Variants in CASR observed in about 807,000 individuals in gnomAD.
CASR encodes the protein extracellular calcium-sensing receptor.
CASR carries 23 observed loss-of-function variants against 69.1 expected under a neutral mutation model. The ratio of observed to expected loss-of-function variants is 0.33; its 90% CI spans 0.24 to 0.47. The LOEUF (loss-of-function observed/expected upper bound fraction) is 0.47, where lower values mean the gene tolerates loss of function less well. Among genes scored for constraint, CASR ranks in the 20% least tolerant of loss-of-function variants. CASR has a pLI of 1.00. For missense variants in CASR, 924 were observed against 1,356.1 expected (o/e 0.68, Z 5.00); for synonymous variants, 541 against 544.7 (o/e 0.99, Z 0.10).
At position 122,288,475 on chromosome 3, in the gene CASR, A is replaced by G. The variant is rs558827663; in HGVS notation, c.*3284A>G. The G allele has an allele frequency of 6.6e-6, 1 of 152,312 alleles. No individual in the cohort carries two copies. Among genetic ancestry groups the G allele is most frequent in the East Asian group, 1.9e-4 (1 of 5,182 alleles). The allele number at this position is 152,312 out of a possible 1,614,324, so 9.4% of individuals were successfully genotyped here. A position where few individuals can be genotyped will look rare whatever the true frequency, so the allele number is the denominator to read the frequency against. ...AGAAAACAAATACATTTGTATTGTT[A>G]TCTCCTTCCCTGAGTTTTGGCAGCC... On this transcript the variant is annotated 3_prime_UTR_variant, in exon 7 of 7. Coordinates refer to ENST00000639785, the MANE Select transcript of CASR (RefSeq NM_000388.4).
At chr3:122,195,486 T>G (rs1015906895) in intron 1 of CASR, among the ~76,000 whole-genome samples, 2 of 152,236 alleles carry the variant, frequency 1.3e-5, no homozygotes, top group Non-Finnish European at 2.9e-5. Flanking sequence ...GAATTTCTTC[T>G]CTTTGGTGCC....
At chr3:122,222,039 A>G (rs1158318541) in intron 1 of CASR, among the ~76,000 whole-genome samples, 1 of 152,202 alleles carries the variant, frequency 6.6e-6, no homozygotes, top group East Asian at 1.9e-4. Flanking sequence ...TTCTACCCAA[A>G]AGAGAGAACT....
intron 1 of CASR, among the ~76,000 whole-genome samples, chr3:122,188,974 G>A (rs191169147): frequency 1.7e-4 from 26 of 152,332 alleles, no homozygotes; most frequent in African/African-American, 6.0e-4. Flanking sequence ...GCTGCCGAGA[G>A]CTTTATTACT....
rs1287815597 is a variant in CASR, at chr3:122,290,765, C to T, written c.*5574C>T. The T allele has an allele frequency of 6.6e-6, 1 of 151,610 alleles. No individual in the cohort carries two copies. Among genetic ancestry groups the T allele is most frequent in the Non-Finnish European group, 1.5e-5 (1 of 67,934 alleles). 9.4% of individuals were successfully genotyped at this position (151,610 alleles called of 1,614,324 possible). A position where few individuals can be genotyped will look rare whatever the true frequency, so the allele number is the denominator to read the frequency against. Reference sequence around the variant, plus strand: ...TTATTATACTTTAAGTTTTAGGGTACATGTGCACAACGTGCAGGTTTGTTA... The same window carrying T: ...TTATTATACTTTAAGTTTTAGGGTATATGTGCACAACGTGCAGGTTTGTTA... On this transcript the variant is annotated 3_prime_UTR_variant, in exon 7 of 7. Coordinates refer to ENST00000639785, the MANE Select transcript of CASR (RefSeq NM_000388.4).
chr3:122,247,197 A>G (rs1273257028), intron 1 of CASR: 1 of 152,198 alleles, frequency 6.6e-6, no homozygotes, highest in African/African-American at 2.4e-5. Context: ...CCATACCAAA[A>G]TAAGCAATAA....
intron 1 of CASR, among the ~76,000 whole-genome samples, chr3:122,190,112 AGTGACACTCAGGCTGAG>A (rs1226784738): frequency 1.3e-5 from 2 of 152,072 alleles, no homozygotes; most frequent in Non-Finnish European, 2.9e-5. Context: ...TGGTGGTGGG[AGTGACACTCAGGCTGAG>A]GCTCTCTACC....
rs35249463 is a variant in CASR, at chr3:122,272,091, GCACACACA to G, written c.1378-3693_1378-3686del. ...ATATATTTTCATTTCTCCTAGGAAT[GCACACACA>G]CACACACACACACACACACACACAC... On this transcript the variant is annotated intron_variant, in intron 4 of 6. Coordinates refer to ENST00000639785, the MANE Select transcript of CASR (RefSeq NM_000388.4). Among the ~76,000 whole-genome samples the G allele has an allele frequency of 1.5e-3, 229 of 148,926 alleles. 1 individual carries two copies. The highest frequency in any genetic ancestry group is 0.013 in the East Asian group (64 of 5,106).
At chr3:122,224,949 C>G (rs909271956) in intron 1 of CASR, among the ~76,000 whole-genome samples, 1 of 152,150 alleles carries the variant, frequency 6.6e-6, no homozygotes, top group East Asian at 1.9e-4. Flanking sequence ...GGAAAGGACT[C>G]CCCATATGAT....
At chr3:122,238,654 A>G (rs999779976) in intron 1 of CASR, among the ~76,000 whole-genome samples, 1 of 152,196 alleles carries the variant, frequency 6.6e-6, no homozygotes, top group Non-Finnish European at 1.5e-5. Flanking sequence ...GCTCACAGCA[A>G]CTAAAGTGAC....
chr3:122,243,159 C>T (rs1818118), intron 1 of CASR, among the ~76,000 whole-genome samples: 6,775 of 152,132 alleles, frequency 0.045, 180 homozygotes, highest in South Asian at 0.077. Context: ...GCAGCCAAAG[C>T]AAAACTGGAT....
intron 1 of CASR, among the ~76,000 whole-genome samples, chr3:122,226,087 G>C (rs990083919): frequency 6.6e-6 from 1 of 152,148 alleles, no homozygotes; most frequent in South Asian, 2.1e-4. Flanking sequence ...GGGGAAGATG[G>C]GGGGGTAGTG....
intron 4 of CASR, among the ~76,000 whole-genome samples, chr3:122,265,044 C>A (rs1400347843): frequency 6.6e-6 from 1 of 152,216 alleles, no homozygotes; most frequent in Non-Finnish European, 1.5e-5. Flanking sequence ...ATAGCCCACA[C>A]CAGAAGGGCC....
chr3:122,239,542 G>A (rs1219169112), intron 1 of CASR, among the ~76,000 whole-genome samples: 3 of 152,240 alleles, frequency 2.0e-5, no homozygotes, highest in African/African-American at 7.2e-5. Flanking sequence ...ACTGCTGATG[G>A]CAGAGCCCTA....
intron 1 of CASR, among the ~76,000 whole-genome samples, chr3:122,251,319 GT>G (rs2074481009): frequency 6.6e-6 from 1 of 152,216 alleles, no homozygotes; most frequent in Non-Finnish European, 1.5e-5. Context: ...AAGAGACTAT[GT>G]TCTTACAGGT....
chr3:122,244,830 G>A (rs2074411536), intron 1 of CASR, among the ~76,000 whole-genome samples: 3 of 152,134 alleles, frequency 2.0e-5, no homozygotes, highest in African/African-American at 7.2e-5. Flanking sequence ...TAGGATGGAA[G>A]ATAAGAAGTA....
At chr3:122,202,951 A>T (rs2073972355) in intron 1 of CASR, among the ~76,000 whole-genome samples, 1 of 152,222 alleles carries the variant, frequency 6.6e-6, no homozygotes, top group Admixed American at 6.5e-5. Context: ...TCTGTCAATT[A>T]TCAAGGTCCC....
chr3:122,286,236 A>G lies in CASR; in HGVS notation c.*1045A>G, dbSNP rs955731338. 2.0e-5 allele frequency: 3 copies of G among 152,180 alleles called. No homozygotes were observed. Among genetic ancestry groups the G allele is most frequent in the African/African-American group, 7.2e-5 (3 of 41,432 alleles). 9.4% of individuals were successfully genotyped at this position (152,180 alleles called of 1,614,324 possible). On this transcript the variant is annotated 3_prime_UTR_variant, in exon 7 of 7. Coordinates refer to ENST00000639785, the MANE Select transcript of CASR (RefSeq NM_000388.4). ...TATGTTCCCTCCAGCAGTGGTATTA[A>G]TACTGCCGGTCACCCAGGCTCTGGA...
At position 122,262,175 on chromosome 3, in the gene CASR, T is replaced by A. The variant is rs145869851; in HGVS notation, c.1140T>A (p.Ser380Arg). 2.7e-5 allele frequency: 44 copies of A among 1,614,076 alleles called. No individual in the cohort carries two copies. The highest frequency in any genetic ancestry group is 3.5e-5 in the Non-Finnish European group (41 of 1,180,040). The change falls in exon 4 of 7, where the codon AGT (serine) becomes AGA (arginine). Residue 380 changes from serine to arginine, a missense_variant. Transcript: ENST00000639785. ...VDTFLRGHEESGDRFSNSSTA... is the reference protein window; with the variant it reads ...VDTFLRGHEERGDRFSNSSTA... ...CCTTTCTGAGAGGTCACGAAGAAAG[T>A]GGCGACAGGTTTAGCAACAGCTCGA...
chr3:122,239,896 G>T (rs2074363945), intron 1 of CASR, among the ~76,000 whole-genome samples: 2 of 152,164 alleles, frequency 1.3e-5, no homozygotes, highest in Admixed American at 1.3e-4. Context: ...TCAAGAGAAT[G>T]CCCTCAAAGG....
Sources: allele counts gnomAD v4.1 joint callset (sites outside exome capture counted in the v4.1 genomes callset), GRCh38; gene constraint gnomAD v4.1.1; transcripts MANE v1.5; gene names NCBI Gene and HGNC (gene_info 2026-07-23, HGNC 2026-07-21).